APOC1: variants seen among roughly 807,000 people sequenced by gnomAD.
The protein encoded by APOC1 is apolipoprotein C1.
APOC1 carries 4 observed loss-of-function variants against 6.7 expected under a neutral mutation model. The observed-to-expected ratio is 0.60, with a 90% CI of 0.29 to 1.37. The LOEUF (loss-of-function observed/expected upper bound fraction) is 1.37. Among genes scored for constraint, APOC1 ranks in the 40% most tolerant of loss-of-function variants. The probability of loss-of-function intolerance (pLI) is 0.09; values close to 1 mark genes in which losing one functional copy is unlikely to be tolerated. For synonymous variants in APOC1, 33 were observed against 40.6 expected (o/e 0.81, Z 0.72); for missense variants, 122 against 99.4 (o/e 1.23, Z -0.97).
chr19:44,916,383 G>A lies in APOC1; in HGVS notation c.194+58G>A, dbSNP rs758051304. 3.9e-5 allele frequency: 62 copies of A among 1,604,894 alleles called. No homozygotes were observed. The Middle Eastern group carries it at 8.1e-4, about 21-fold the overall frequency. ...GGGTGTGTTTTTGGGTGGAGCCCTG[G>A]CAGATGGTCCAAGATGAACAGATTG... On this transcript the variant is annotated intron_variant, in intron 3 of 3. Coordinates refer to ENST00000592535, the MANE Select transcript of APOC1 (RefSeq NM_001645.5).
At position 44,914,895 on chromosome 19, in the gene APOC1, A is replaced by G. The variant is rs1256085495; in HGVS notation, c.4A>G (p.Arg2Gly). 1.2e-6 allele frequency: 2 copies of G among 1,613,754 alleles called. No homozygotes were observed. MRLFLSLPVLVV... is the reference protein window; with the variant it reads MGLFLSLPVLVV... ...AGAGTGCCCCTCCGGCCTCGCCATG[A>G]GGCTCTTCCTGTCGCTCCCGGTCCT... Residue 2 changes from arginine (R) to glycine (G), a missense_variant, in exon 2 of 4, where the codon AGG becomes GGG. By Grantham distance (125) the Arg-to-Gly change is moderately radical. Transcript: ENST00000592535.
chr19:44,918,052 G>A (rs966015539), intron 3 of APOC1, among the ~76,000 whole-genome samples: 20 of 151,982 alleles, frequency 1.3e-4, no homozygotes, highest in South Asian at 4.1e-4. Context: ...GGCGGATCAC[G>A]AGGTCAGGAG....
In APOC1 at chr19:44,919,181, T is replaced by A. The variant is rs1970058889; in HGVS notation, c.203T>A (p.Phe68Tyr). Residue 68 changes from phenylalanine (F) to tyrosine (Y), a missense_variant, in exon 4 of 4, where the codon TTT (phenylalanine) becomes TAT (tyrosine). Physicochemically the swap from Phe to Tyr is conservative, Grantham distance 22. Transcript: ENST00000592535. The stretch of plus-strand genomic sequence containing the variant: ...CTTATTCCTCCCCACAGGGAGTGGT[T>A]TTCAGAGACATTTCAGAAAGTGAAG... ...SELSAKMREW[F>Y]SETFQKVKEK... The A allele has an allele frequency of 6.2e-7, 1 of 1,613,808 alleles. No homozygotes were observed. Among genetic ancestry groups the A allele is most frequent in the Non-Finnish European group, 8.5e-7 (1 of 1,179,802 alleles).
intron 2 of APOC1, among the ~76,000 whole-genome samples, chr19:44,915,375 G>C (rs1969986166): frequency 6.8e-6 from 1 of 147,722 alleles, no homozygotes; most frequent in East Asian, 2.0e-4. Context: ...CGAGGCTGGA[G>C]TGCAGTGGCG....
At chr19:44,918,729 G>T in intron 3 of APOC1, 1 of 161,318 alleles carries the variant, frequency 6.2e-6, no homozygotes, top group Non-Finnish European at 1.3e-5. Context: ...GTGCGATCTC[G>T]GCTTACTGGA....
In APOC1 at chr19:44,916,212, C is replaced by G. The variant is rs750591293; in HGVS notation, c.81C>G (p.Thr27=). The change falls in exon 3 of 4, where the codon ACC becomes ACG. Residue 27 remains threonine (T), a synonymous_variant. Coordinates refer to ENST00000592535, the MANE Select transcript of APOC1 (RefSeq NM_001645.5). ...VLEGPAPAQG[T]PDVSSALDKL... ...CAGGCCCAGCCCCAGCCCAGGGGAC[C>G]CCAGACGTCTCCAGTGCCTTGGATA... 22 of 1,611,960 alleles carry G rather than the reference C, an allele frequency of 1.4e-5. No homozygotes were observed. The highest frequency in any genetic ancestry group is 1.8e-5 in the Non-Finnish European group (21 of 1,179,290).
intron 2 of APOC1, among the ~76,000 whole-genome samples, chr19:44,915,414 C>A (rs1480052592): frequency 1.3e-5 from 2 of 151,000 alleles, no homozygotes; most frequent in Non-Finnish European, 2.9e-5. Context: ...AGCTCCGCCT[C>A]CCTGGTTCAC....
chr19:44,916,301 A>AGAGT lies in APOC1; in HGVS notation c.173_176dup (p.Leu60Ter). 6.2e-7 allele frequency: 1 copy of AGAGT among 1,613,974 alleles called. No homozygotes were observed. Among genetic ancestry groups the AGAGT allele is most frequent in the Non-Finnish European group, 8.5e-7 (1 of 1,179,996 alleles). On this transcript the variant is annotated frameshift_variant, in exon 3 of 4. Coordinates refer to ENST00000592535, the MANE Select transcript of APOC1 (RefSeq NM_001645.5). LOFTEE classifies it low-confidence loss of function (END_TRUNC). Reference sequence around the variant, plus strand: ...CGGGAACTCATCAGCCGCATCAAACAGAGTGAACTTTCTGCCAAGATGCGG... The same window carrying AGAGT: ...CGGGAACTCATCAGCCGCATCAAACAGAGTGAGTGAACTTTCTGCCAAGATGCGG...
chr19:44,916,384 C>A (rs766058152), intron 3 of APOC1, 59 bp downstream of exon 3: 37 of 1,602,454 alleles, frequency 2.3e-5, no homozygotes, highest in Non-Finnish European at 3.1e-5. Flanking sequence ...GGAGCCCTGG[C>A]AGATGGTCCA....
chr19:44,919,314 C>T lies in APOC1; in HGVS notation c.*84C>T. On this transcript the variant is annotated 3_prime_UTR_variant, in exon 4 of 4. Transcript: ENST00000592535. ...GTGCTGAGGACTCCCTCCATGTGGC[C>T]CCAGGTGCCACCAATAAAAATCCTA... 1.7e-6 allele frequency: 2 copies of T among 1,207,876 alleles called. No individual in the cohort carries two copies. Among genetic ancestry groups the T allele is most frequent in the African/African-American group, 1.5e-5 (1 of 66,196 alleles). 74.8% of individuals were successfully genotyped at this position (1,207,876 alleles called of 1,614,324 possible). A position where few individuals can be genotyped will look rare whatever the true frequency, so the allele number is the denominator to read the frequency against.
intron 3 of APOC1, among the ~76,000 whole-genome samples, chr19:44,917,692 T>C (rs187254781): frequency 1.3e-5 from 2 of 151,078 alleles, no homozygotes; most frequent in African/African-American, 4.9e-5. Flanking sequence ...GAAAGATCGT[T>C]TGGAGGCCAG....
At chr19:44,914,602 G>T, upstream of APOC1, 1 of 441,614 alleles carries the variant, frequency 2.3e-6, no homozygotes, top group Non-Finnish European at 4.2e-6. Context: ...GTGGACAGAG[G>T]GAGGCAGGCG....
intron 3 of APOC1, among the ~76,000 whole-genome samples, chr19:44,918,337 C>CTTTTTTTT (rs1200008263): frequency 7.8e-5 from 7 of 90,314 alleles, no homozygotes; most frequent in South Asian, 4.2e-4. Context: ...TGAAGTGTTT[C>CTTTTTTTT]TTTTTTTTTT....
At chr19:44,917,771 G>A (rs1970034590) in intron 3 of APOC1, among the ~76,000 whole-genome samples, 1 of 151,992 alleles carries the variant, frequency 6.6e-6, no homozygotes, top group Non-Finnish European at 1.5e-5. Flanking sequence ...CTGAGGTCAG[G>A]AGTTCGAGAC....
At chr19:44,918,063 T>A (rs537571516) in intron 3 of APOC1, among the ~76,000 whole-genome samples, 35 of 151,056 alleles carry the variant, frequency 2.3e-4, no homozygotes, top group Admixed American at 1.8e-3. Context: ...AGGTCAGGAG[T>A]TCGAGACTAG....
At chr19:44,918,824 A>C in intron 3 of APOC1, 1 of 248,940 alleles carries the variant, frequency 4.0e-6, no homozygotes, top group East Asian at 9.6e-5. Context: ...CACACATGGT[A>C]TTTTTTGTAT....
rs1252516815 is a variant in APOC1 at position 44,914,903 on chromosome 19, C to T, written c.12C>T (p.Phe4=). The T allele has an allele frequency of 4.3e-6, 7 of 1,613,730 alleles. No homozygotes were observed. Among genetic ancestry groups the T allele is most frequent in the Admixed American group, 1.7e-5 (1 of 59,992 alleles). The part of the protein sequence containing the change: MRL[F]LSLPVLVVVL... ...CCTCCGGCCTCGCCATGAGGCTCTT[C>T]CTGTCGCTCCCGGTCCTGGTGGTGG... The change falls in exon 2 of 4, where the codon TTC becomes TTT. Residue 4 remains phenylalanine (F), a synonymous_variant. Coordinates refer to ENST00000592535, the MANE Select transcript of APOC1 (RefSeq NM_001645.5).
At chr19:44,915,077 C>G (rs376302246) in intron 2 of APOC1, 128 bp downstream of exon 2, 3 of 1,017,242 alleles carry the variant, frequency 2.9e-6, no homozygotes, top group South Asian at 1.4e-5. Context: ...GTTGCCTCAT[C>G]GTGGTCGGGT....
chr19:44,915,279 G>T, intron 2 of APOC1: 1 of 315,166 alleles, frequency 3.2e-6, no homozygotes. Context: ...CCAGCAGCTT[G>T]AGCCCCACCA....
Sources: allele counts gnomAD v4.1 joint callset (sites outside exome capture counted in the v4.1 genomes callset), GRCh38; gene constraint gnomAD v4.1.1; transcripts MANE v1.5; gene names NCBI Gene and HGNC (gene_info 2026-07-23, HGNC 2026-07-21).